Variants in NEK11 observed in about 807,000 individuals in gnomAD.
NEK11 encodes serine/threonine-protein kinase Nek11.
In NEK11, 72 loss-of-function variants were observed where a neutral mutation model predicts 80.7. The observed-to-expected ratio is 0.89, with a 90% CI of 0.74 to 1.08. The LOEUF is 1.08. Among genes scored for constraint, NEK11 ranks in the 50% least tolerant of loss-of-function variants. NEK11 has a pLI of 0.00. For missense variants in NEK11, 764 were observed against 763.6 expected (o/e 1.00, Z -0.01); for synonymous variants, 251 against 260.7 (o/e 0.96, Z 0.36).
At chr3:131,292,515 CT>C (rs60196110) in intron 17 of NEK11, among the ~76,000 whole-genome samples, 450 of 136,136 alleles carry the variant, frequency 3.3e-3, no homozygotes, top group Admixed American at 4.4e-3. Context: ...GAACTAACAT[CT>C]TTTTTTTTTT....
intron 3 of NEK11, among the ~76,000 whole-genome samples, chr3:131,034,243 T>C (rs1246534302): frequency 6.6e-6 from 1 of 152,234 alleles, no homozygotes; most frequent in African/African-American, 2.4e-5. Context: ...TGGCCACAGC[T>C]ACAGTGAATT....
intron 4 of NEK11, among the ~76,000 whole-genome samples, chr3:131,085,095 C>T (rs2075797315): frequency 6.6e-6 from 1 of 152,142 alleles, no homozygotes; most frequent in African/African-American, 2.4e-5. Flanking sequence ...TGCTCTTATT[C>T]ACGAAAATTG....
At chr3:131,284,058 C>T (rs1374087806) in intron 17 of NEK11, among the ~76,000 whole-genome samples, 1 of 152,136 alleles carries the variant, frequency 6.6e-6, no homozygotes, top group African/African-American at 2.4e-5. Flanking sequence ...AAACCGGACA[C>T]CTGTAAGTGT....
At chr3:131,081,489 G>T (rs890399701) in intron 4 of NEK11, among the ~76,000 whole-genome samples, 1 of 152,198 alleles carries the variant, frequency 6.6e-6, no homozygotes, top group African/African-American at 2.4e-5. Context: ...TGGGAGAGGG[G>T]AAAGTGGACA....
chr3:131,309,987 TAAAAAAAAAAAAA>T (rs558210123), intron 17 of NEK11, among the ~76,000 whole-genome samples: 126 of 23,312 alleles, frequency 5.4e-3, no homozygotes, highest in East Asian at 0.043. Flanking sequence ...AGACCATGTT[TAAAAAAAAAAAAA>T]AAAAAAAAAA....
rs1386211568 is a variant in NEK11 at position 131,183,520 on chromosome 3, G to A, written c.1399+12633G>A. Among the ~76,000 whole-genome samples, 7 of 152,178 alleles carry A rather than the reference G, an allele frequency of 4.6e-5. No individual in the cohort carries two copies. In the East Asian group the frequency reaches 1.2e-3, roughly 25 times the overall value. ...CTCATTGCTCAGCTCCAGCTTATAA[G>A]TGAGAACATGTGGTGTTTGGTTTTC... On this transcript the variant is annotated intron_variant, in intron 14 of 17. Transcript: ENST00000383366.
chr3:131,194,006 C>T (rs1455812460), intron 14 of NEK11, among the ~76,000 whole-genome samples: 1 of 152,164 alleles, frequency 6.6e-6, no homozygotes, highest in Admixed American at 6.6e-5. Flanking sequence ...ATGCAATCAA[C>T]ACATTACAGC....
intron 15 of NEK11, among the ~76,000 whole-genome samples, chr3:131,234,979 C>T (rs917281940): frequency 1.3e-5 from 2 of 151,868 alleles, no homozygotes; most frequent in Non-Finnish European, 2.9e-5. Flanking sequence ...AATACCAAAG[C>T]ATGGAGAAAA....
At chr3:131,264,051 G>A (rs1258460280) in intron 16 of NEK11, among the ~76,000 whole-genome samples, 1 of 152,156 alleles carries the variant, frequency 6.6e-6, no homozygotes, top group Non-Finnish European at 1.5e-5. Flanking sequence ...CCCACTTTTT[G>A]ATGGGGTTGT....
At chr3:131,245,127 T>C (rs993538775) in intron 16 of NEK11, among the ~76,000 whole-genome samples, 2 of 152,066 alleles carry the variant, frequency 1.3e-5, no homozygotes, top group African/African-American at 4.8e-5. Flanking sequence ...CGTCCGTTAC[T>C]CCACACTGTA....
intron 3 of NEK11, among the ~76,000 whole-genome samples, chr3:131,061,999 G>A (rs1294872288): frequency 6.6e-6 from 1 of 152,270 alleles, no homozygotes; most frequent in South Asian, 2.1e-4. Flanking sequence ...AGTTGATAAC[G>A]AATGAATTCA....
chr3:131,215,417 T>C (rs1199858339), intron 14 of NEK11, among the ~76,000 whole-genome samples: 1 of 151,472 alleles, frequency 6.6e-6, no homozygotes, highest in East Asian at 1.9e-4. Context: ...GAACTTAAAG[T>C]ATAACAAAAA....
At chr3:131,169,834 A>G (rs1400556832) in intron 13 of NEK11, among the ~76,000 whole-genome samples, 2 of 152,308 alleles carry the variant, frequency 1.3e-5, no homozygotes, top group Middle Eastern at 3.4e-3. Flanking sequence ...TTTTCAAATA[A>G]TTTCTGAAGT....
intron 17 of NEK11, among the ~76,000 whole-genome samples, chr3:131,279,741 A>G (rs932607997): frequency 1.3e-5 from 2 of 152,178 alleles, no homozygotes; most frequent in African/African-American, 2.4e-5. Context: ...TTAGTTATGA[A>G]TATGGATCTA....
chr3:131,036,377 T>TCATA (rs2065650136), intron 3 of NEK11, among the ~76,000 whole-genome samples: 2 of 152,358 alleles, frequency 1.3e-5, no homozygotes, highest in South Asian at 4.1e-4. Flanking sequence ...GATGCTTGAG[T>TCATA]CATACTCCAG....
At chr3:131,079,870 TGAGA>T (rs1212948404) in intron 3 of NEK11, among the ~76,000 whole-genome samples, 1 of 151,962 alleles carries the variant, frequency 6.6e-6, no homozygotes, top group Non-Finnish European at 1.5e-5. Context: ...AATTTTAAGC[TGAGA>T]GAGAGAAGCA....
chr3:131,077,188 GAGGCTCTGATAAAATAA>G (rs1263728621), intron 3 of NEK11, among the ~76,000 whole-genome samples: 1 of 152,146 alleles, frequency 6.6e-6, no homozygotes, highest in Non-Finnish European at 1.5e-5. Flanking sequence ...CTCCTGAGTT[GAGGCTCTGATAAAATAA>G]ATGTCTGTCA....
intron 16 of NEK11, among the ~76,000 whole-genome samples, chr3:131,255,134 A>AAGAG (rs1201103113): frequency 6.6e-6 from 1 of 150,754 alleles, no homozygotes; most frequent in African/African-American, 2.4e-5. Flanking sequence ...GAAAGAGAGA[A>AAGAG]AGAACAGCTA....
At chr3:131,280,921 A>G (rs1482431122) in intron 17 of NEK11, among the ~76,000 whole-genome samples, 2 of 152,226 alleles carry the variant, frequency 1.3e-5, no homozygotes, top group Non-Finnish European at 2.9e-5. Flanking sequence ...GCAATGGCTG[A>G]TGAATGACCA....
Sources: allele counts gnomAD v4.1 joint callset (sites outside exome capture counted in the v4.1 genomes callset), GRCh38; gene constraint gnomAD v4.1.1; transcripts MANE v1.5; gene names NCBI Gene and HGNC (gene_info 2026-07-23, HGNC 2026-07-21).